Variants in PIBF1 observed in about 807,000 individuals in gnomAD.
The protein encoded by PIBF1 is progesterone immunomodulatory binding factor 1, also known as progesterone-induced-blocking factor 1.
A neutral mutation model predicts 112.5 loss-of-function variants in PIBF1; 90 were observed. The ratio of observed to expected loss-of-function variants is 0.80; its 90% confidence interval spans 0.67 to 0.95. The LOEUF (loss-of-function observed/expected upper bound fraction) is 0.95. PIBF1 is among the 40% of genes least tolerant of loss of function. The pLI, the probability that PIBF1 is intolerant of heterozygous loss-of-function variation, is 0.00. For missense variants in PIBF1, 915 were observed against 852.3 expected, an observed-to-expected ratio of 1.07 and a Z score of -0.92; for synonymous variants, 301 against 288.6, an observed-to-expected ratio of 1.04 and a Z score of -0.44.
intron 9 of PIBF1, among the ~76,000 whole-genome samples, chr13:72,847,084 A>G (rs1699705213): frequency 6.6e-6 from 1 of 152,208 alleles, no homozygotes; most frequent in Non-Finnish European, 1.5e-5. Context: ...ATTCTGTTTC[A>G]TTTTGATATG....
intron 10 of PIBF1, among the ~76,000 whole-genome samples, chr13:72,860,499 G>T (rs1019658930): frequency 6.6e-6 from 1 of 152,022 alleles, no homozygotes; most frequent in Admixed American, 6.6e-5. Context: ...TTCTTCAGAG[G>T]TTAAATTTTT....
intron 5 of PIBF1, among the ~76,000 whole-genome samples, chr13:72,821,400 T>A (rs78818672): frequency 0.022 from 3,334 of 152,276 alleles, 136 homozygotes; most frequent in African/African-American, 0.076. Context: ...GAACTGCATG[T>A]TTAATCTCTT....
chr13:72,844,762 C>CGGATG (rs375548034), intron 9 of PIBF1, among the ~76,000 whole-genome samples: 3 of 125,970 alleles, frequency 2.4e-5, no homozygotes, highest in Admixed American at 1.5e-4. Flanking sequence ...CACACACACA[C>CGGATG]ACACACACAC....
intron 5 of PIBF1, among the ~76,000 whole-genome samples, chr13:72,820,651 AGTGCCTAATCC>A (rs1468313173): frequency 3.3e-5 from 5 of 152,308 alleles, no homozygotes; most frequent in African/African-American, 1.2e-4. Context: ...TTGTATCTGT[AGTGCCTAATCC>A]GTGACCAGTC....
At chr13:72,952,847 T>C (rs1594260597) in intron 14 of PIBF1, among the ~76,000 whole-genome samples, 1 of 149,094 alleles carries the variant, frequency 6.7e-6, no homozygotes, top group South Asian at 2.1e-4. Context: ...ATGGCAGAGG[T>C]CTCATGAAGC....
rs1364984234 is a variant in PIBF1, at chr13:72,872,664, A to G, written c.1322+18509A>G. 2.0e-5 allele frequency among the ~76,000 whole-genome samples: 3 copies of G among 152,156 alleles called. No individual in the cohort carries two copies. The East Asian group carries it at 5.8e-4, about 29-fold the overall frequency. ...ATAATTGCTTTGTATGAGGAAATTAAGGCTCCAGGAGGTTTTCTGAAAATG... is the reference window on the plus strand; with the variant it reads ...ATAATTGCTTTGTATGAGGAAATTAGGGCTCCAGGAGGTTTTCTGAAAATG... On this transcript the variant is annotated intron_variant, in intron 10 of 17. Transcript: ENST00000326291.
chr13:72,784,022 A>G (rs751420754), intron 2 of PIBF1, among the ~76,000 whole-genome samples: 19 of 152,310 alleles, frequency 1.2e-4, no homozygotes, highest in South Asian at 1.0e-3. Flanking sequence ...GCTATAGTTA[A>G]TGACATTGTA....
chr13:72,831,745 G>A (rs1189278701), intron 8 of PIBF1, among the ~76,000 whole-genome samples: 2 of 152,080 alleles, frequency 1.3e-5, no homozygotes, highest in African/African-American at 4.8e-5. Flanking sequence ...GGAGAGTTCT[G>A]TAATGTCTAT....
At chr13:72,871,388 C>G (rs2039159821) in intron 10 of PIBF1, among the ~76,000 whole-genome samples, 1 of 152,136 alleles carries the variant, frequency 6.6e-6, no homozygotes, top group Non-Finnish European at 1.5e-5. Flanking sequence ...TCACTGCAAC[C>G]TCCACCTCCC....
At chr13:72,881,912 C>T (rs1480807326) in intron 10 of PIBF1, among the ~76,000 whole-genome samples, 1 of 151,940 alleles carries the variant, frequency 6.6e-6, no homozygotes, top group Non-Finnish European at 1.5e-5. Context: ...ATACCAATGA[C>T]ATTCTTCACA....
In PIBF1 at chr13:72,836,117, A is replaced by G. The variant is rs1445820938; in HGVS notation, c.1223+749A>G. ...CCATCTCAAAAAAAAAAAAGAAAAA[A>G]GAAATATCATTTTTATTCATGCAGT... On this transcript the variant is annotated intron_variant, in intron 9 of 17. Coordinates refer to ENST00000326291, the MANE Select transcript of PIBF1 (RefSeq NM_006346.4). The G allele has an allele frequency of 1.8e-5, 8 of 454,486 alleles. No individual in the cohort carries two copies. In the Admixed American group the frequency reaches 1.9e-4, roughly 11 times the overall value. The allele number at this position is 454,486 out of a possible 1,614,324, so 28.2% of individuals were successfully genotyped here.
chr13:73,009,923 C>T (rs868302909), intron 17 of PIBF1, among the ~76,000 whole-genome samples: 2 of 152,146 alleles, frequency 1.3e-5, no homozygotes, highest in Non-Finnish European at 2.9e-5. Context: ...CTTATACCGT[C>T]CTTTTTGAGT....
At chr13:73,003,411 C>A (rs897235209) in intron 17 of PIBF1, among the ~76,000 whole-genome samples, 1 of 152,138 alleles carries the variant, frequency 6.6e-6, no homozygotes, top group East Asian at 2.0e-4. Flanking sequence ...TGCCACCATG[C>A]CCCGCTAATT....
chr13:72,806,545 C>T (rs74618210), intron 5 of PIBF1, among the ~76,000 whole-genome samples: 1 of 151,928 alleles, frequency 6.6e-6, no homozygotes, highest in African/African-American at 2.4e-5. Flanking sequence ...CCTGATAGGC[C>T]CCAGTGTGTG....
At chr13:72,825,105 A>G (rs1001396408) in intron 6 of PIBF1, among the ~76,000 whole-genome samples, 2 of 152,176 alleles carry the variant, frequency 1.3e-5, no homozygotes, top group African/African-American at 4.8e-5. Context: ...TGACATCTAG[A>G]TGCATGGTAA....
intron 9 of PIBF1, among the ~76,000 whole-genome samples, chr13:72,838,824 CTA>C (rs2037472037): frequency 6.6e-6 from 1 of 151,984 alleles, no homozygotes; most frequent in Non-Finnish European, 1.5e-5. Context: ...TGCATTAACA[CTA>C]TGAACTAAGG....
At chr13:72,829,466 G>A (rs1354838603) in intron 8 of PIBF1, among the ~76,000 whole-genome samples, 1 of 152,146 alleles carries the variant, frequency 6.6e-6, no homozygotes, top group Non-Finnish European at 1.5e-5. Context: ...TAAGGTATAA[G>A]GAAGGGGTCC....
chr13:72,997,481 A>G (rs545185617), intron 16 of PIBF1, among the ~76,000 whole-genome samples: 46 of 152,312 alleles, frequency 3.0e-4, no homozygotes, highest in Non-Finnish European at 1.6e-4. Context: ...TGCAGAAAGG[A>G]GAAAGGATTC....
At chr13:72,784,793 T>C (rs2034505974) in intron 2 of PIBF1, among the ~76,000 whole-genome samples, 1 of 152,096 alleles carries the variant, frequency 6.6e-6, no homozygotes, top group Admixed American at 6.5e-5. Flanking sequence ...TATTGAAATA[T>C]GGAGTGATTT....
Sources: gnomAD v4.1 joint callset for allele counts (sites outside exome capture counted in the v4.1 genomes callset) on GRCh38, gnomAD v4.1.1 for gene constraint, MANE v1.5 for transcripts, NCBI Gene and HGNC (gene_info 2026-07-23, HGNC 2026-07-21) for gene names.